The following RBFOX3 variants were observed in gnomAD, a reference collection of about 807,000 sequenced individuals.
RBFOX3 encodes RNA binding protein fox-1 homolog 3.
Under a neutral mutation model 48.7 loss-of-function variants are expected in RBFOX3, and 17 were observed. The observed-to-expected ratio is 0.35, with a 90% CI of 0.24 to 0.52. RBFOX3 has a LOEUF of 0.52. Ranked by LOEUF, RBFOX3 falls within the 20% of genes least tolerant of loss-of-function variation. The pLI is 0.94. For missense variants in RBFOX3, 382 were observed against 497.5 expected, an observed-to-expected ratio of 0.77 and a Z score of 2.21; for synonymous variants, 212 against 209.5, an observed-to-expected ratio of 1.01 and a Z score of -0.10.
chr17:79,514,343 C>A (rs888071741), intron 1 of RBFOX3, among the ~76,000 whole-genome samples: 19 of 152,232 alleles, frequency 1.2e-4, no homozygotes, highest in Middle Eastern at 3.2e-3. Flanking sequence ...GGCGGTCACG[C>A]AGACATGCAC....
intron 3 of RBFOX3, among the ~76,000 whole-genome samples, chr17:79,304,724 G>C (rs562808618): frequency 5.9e-4 from 90 of 152,214 alleles, no homozygotes; most frequent in South Asian, 1.7e-3. Context: ...TAACCCCAGG[G>C]GAGAAAAGAT....
intron 1 of RBFOX3, among the ~76,000 whole-genome samples, chr17:79,570,766 G>A (rs977736171): frequency 2.4e-4 from 37 of 152,320 alleles, no homozygotes; most frequent in Admixed American, 1.3e-3. Context: ...ACTCTCGGGT[G>A]GCTCAGGGGA....
chr17:79,605,980 G>T (rs931142666), intron 1 of RBFOX3, among the ~76,000 whole-genome samples: 23 of 152,212 alleles, frequency 1.5e-4, no homozygotes, highest in African/African-American at 5.1e-4. Context: ...ACTCCCCACA[G>T]AGGAGAGCAC....
intron 1 of RBFOX3, among the ~76,000 whole-genome samples, chr17:79,504,274 C>T (rs1446370648): frequency 1.3e-5 from 2 of 152,280 alleles, no homozygotes; most frequent in African/African-American, 2.4e-5. Flanking sequence ...TTTAAAACTC[C>T]TAGCTTCTCC....
chr17:79,592,551 T>C (rs1050084464), intron 1 of RBFOX3, among the ~76,000 whole-genome samples: 1,966 of 152,110 alleles, frequency 0.013, 43 homozygotes, highest in African/African-American at 0.045. Flanking sequence ...ATGGGGACCT[T>C]CCAGGTCACC....
rs1157936465 is a variant in RBFOX3, at chr17:79,481,430, G to A, written c.-175+1024C>T. On this transcript the variant is annotated intron_variant, in intron 2 of 14. Coordinates refer to ENST00000693108, the MANE Select transcript of RBFOX3 (RefSeq NM_001350451.2). This position sits in a 1 kb window ranked among gnomAD's most constrained non-coding sequence, Gnocchi z 5.4. Reference sequence around the variant, plus strand: ...CTGGGAGGTGATCTCTAAAACTGCTGGGGTTTCCAAGGGATAGGAGTGTCT... The same window carrying A: ...CTGGGAGGTGATCTCTAAAACTGCTAGGGTTTCCAAGGGATAGGAGTGTCT... 6.6e-6 allele frequency among the ~76,000 whole-genome samples: 1 copy of A among 152,152 alleles called. No homozygotes were observed. Among genetic ancestry groups the A allele is most frequent in the East Asian group, 1.9e-4 (1 of 5,190 alleles).
chr17:79,105,274 A>C (rs903051629), intron 6 of RBFOX3, among the ~76,000 whole-genome samples: 3 of 152,090 alleles, frequency 2.0e-5, no homozygotes, highest in Non-Finnish European at 2.9e-5. Flanking sequence ...GATGGGGGAC[A>C]GTGTCCCCAT....
intron 1 of RBFOX3, among the ~76,000 whole-genome samples, chr17:79,499,353 T>C (rs2082079194): frequency 6.6e-6 from 1 of 150,800 alleles, no homozygotes; most frequent in Non-Finnish European, 1.5e-5. Flanking sequence ...CATCCATCTA[T>C]ATATTCATCC....
rs1459638864 is a variant in RBFOX3 at position 79,421,667 on chromosome 17, CACCATAGGACCAAACAAGATG to C, written c.-175+60766_-175+60786del. Among the ~76,000 whole-genome samples the C allele has an allele frequency of 6.6e-6, 1 of 152,132 alleles. No individual in the cohort carries two copies. The highest frequency in any genetic ancestry group is 1.5e-5 in the Non-Finnish European group (1 of 68,026). On this transcript the variant is annotated intron_variant, in intron 2 of 14. Coordinates refer to ENST00000693108, the MANE Select transcript of RBFOX3 (RefSeq NM_001350451.2). This position sits in a 1 kb window ranked among gnomAD's most constrained non-coding sequence, Gnocchi z 4.5. ...ACCCCAGGGGCACACCGAACGCGGT[CACCATAGGACCAAACAAGATG>C]ACCATAGGACCAAGCAAGATGACGC... is the stretch of plus-strand genomic sequence containing the variant.
At position 79,389,734 on chromosome 17, in the gene RBFOX3, CTGGGGACCGTACT is replaced by C. The variant is rs1400497337; in HGVS notation, c.-174-81923_-174-81911del. On this transcript the variant is annotated intron_variant, in intron 2 of 14. Coordinates refer to ENST00000693108, the MANE Select transcript of RBFOX3 (RefSeq NM_001350451.2). ...CCTGGGGAATGCCAGTACTTCCAGGCTGGGGACCGTACTTGGGGAACCAGTGCTCAGTGGTTCA... is the reference window on the plus strand; with the variant it reads ...CCTGGGGAATGCCAGTACTTCCAGGCTGGGGAACCAGTGCTCAGTGGTTCA... 2.0e-5 allele frequency among the ~76,000 whole-genome samples: 3 copies of C among 152,312 alleles called. No individual in the cohort carries two copies. In the East Asian group the frequency reaches 5.8e-4, roughly 29 times the overall value.
chr17:79,319,852 T>TA (rs1183646221), intron 2 of RBFOX3, among the ~76,000 whole-genome samples: 1 of 52,632 alleles, frequency 1.9e-5, no homozygotes, highest in Non-Finnish European at 3.9e-5. Context: ...GCTGCTAGTC[T>TA]TGCCTGGGCT....
intron 3 of RBFOX3, among the ~76,000 whole-genome samples, chr17:79,293,321 TTTCCTTCCCTGCCTCCCTCCC>T (rs1334044570): frequency 6.0e-5 from 9 of 150,278 alleles, no homozygotes; most frequent in African/African-American, 1.5e-4. Context: ...TCCTTCCTTC[TTTCCTTCCCTGCCTCCCTCCC>T]TTCCTTCCCT....
rs368693077 is a variant in RBFOX3, at chr17:79,214,831, C to G, written c.-34+20935G>C. On this transcript the variant is annotated intron_variant, in intron 4 of 14. Transcript: ENST00000693108. The surrounding 1 kb of genome is among the most constrained non-coding windows in gnomAD (Gnocchi z 4.7). ...AGCGTTTAAACAGCTTCTATTACTC[C>G]AGGGCAAACTTTAAAAAACATAATA... 1.3e-5 allele frequency among the ~76,000 whole-genome samples: 2 copies of G among 152,284 alleles called. No individual in the cohort carries two copies. The highest frequency in any genetic ancestry group is 4.1e-4 in the South Asian group (2 of 4,820).
At chr17:79,125,733 G>T (rs889188593) in intron 4 of RBFOX3, among the ~76,000 whole-genome samples, 1 of 152,228 alleles carries the variant, frequency 6.6e-6, no homozygotes, top group African/African-American at 2.4e-5. Flanking sequence ...GAAGGGCGCC[G>T]CGTGGCCCTG....
intron 2 of RBFOX3, among the ~76,000 whole-genome samples, chr17:79,342,517 G>A (rs545694656): frequency 8.1e-4 from 123 of 152,304 alleles, no homozygotes; most frequent in African/African-American, 2.8e-3. Context: ...TGGGCTACAG[G>A]AGAGCCATGG....
rs377392774 is a variant in RBFOX3, at chr17:79,477,828, A to G, written c.-175+4626T>C. Among the ~76,000 whole-genome samples the G allele has an allele frequency of 1.3e-5, 2 of 152,218 alleles. No individual in the cohort carries two copies. The highest frequency in any genetic ancestry group is 3.9e-4 in the East Asian group (2 of 5,194). On this transcript the variant is annotated intron_variant, in intron 2 of 14. Coordinates refer to ENST00000693108, the MANE Select transcript of RBFOX3 (RefSeq NM_001350451.2). The surrounding 1 kb of genome is among the most constrained non-coding windows in gnomAD (Gnocchi z 4.8). ...AGAAGTTTTTAGGACCCAAGTCTCC[A>G]AAGACTGGCTCAAACTAAAGTCTTC...
At chr17:79,533,907 C>T (rs1555788072) in intron 1 of RBFOX3, among the ~76,000 whole-genome samples, 2 of 152,224 alleles carry the variant, frequency 1.3e-5, no homozygotes, top group African/African-American at 4.8e-5. Context: ...TATACACTCC[C>T]AGACTTTCCT....
At chr17:79,384,067 C>T (rs781129658) in intron 2 of RBFOX3, among the ~76,000 whole-genome samples, 3 of 152,176 alleles carry the variant, frequency 2.0e-5, no homozygotes, top group Admixed American at 6.5e-5. Context: ...TGTGAGTTCT[C>T]GCAGCCGCCA....
chr17:79,465,539 G>A lies in RBFOX3; in HGVS notation c.-175+16915C>T, dbSNP rs530480764. ...GAAAATGCTAATTGCCATCAATCAG[G>A]ACAGCACCTACCCACATTTACATGC... On this transcript the variant is annotated intron_variant, in intron 2 of 14. Transcript: ENST00000693108. 2.7e-5 allele frequency among the ~76,000 whole-genome samples: 4 copies of A among 149,588 alleles called. No homozygotes were observed. The East Asian group carries it at 7.9e-4, about 30-fold the overall frequency.
Sources: allele counts gnomAD v4.1 joint callset (sites outside exome capture counted in the v4.1 genomes callset), GRCh38; gene constraint gnomAD v4.1.1; non-coding constraint Gnocchi (gnomAD v3.1); transcripts MANE v1.5; gene names NCBI Gene and HGNC (gene_info 2026-07-23, HGNC 2026-07-21).